PLCL1: variants seen among roughly 807,000 people sequenced by gnomAD.
PLCL1 encodes inactive phospholipase C-like protein 1.
Under a neutral mutation model 84.4 loss-of-function variants are expected in PLCL1, and 41 were observed. The observed-to-expected ratio is 0.49, with a 90% CI of 0.38 to 0.63. PLCL1 has a LOEUF of 0.63. PLCL1 is among the 30% of genes least tolerant of loss of function. The pLI, the probability that PLCL1 is intolerant of heterozygous loss-of-function variation, is 0.00. For synonymous variants in PLCL1, 490 were observed against 488.3 expected, an observed-to-expected ratio of 1.00 and a Z score of -0.05; for missense variants, 1,206 against 1,367.8, an observed-to-expected ratio of 0.88 and a Z score of 1.87.
rs1460494038 is a variant in PLCL1, at chr2:197,923,111, G to A, written c.240+117772G>A. 2.8e-5 allele frequency among the ~76,000 whole-genome samples: 4 copies of A among 142,886 alleles called. No individual in the cohort carries two copies. In the East Asian group the frequency reaches 6.7e-4, roughly 24 times the overall value. 93.7% of individuals were successfully genotyped at this position (142,886 alleles called of 152,430 possible). A position where few individuals can be genotyped will look rare whatever the true frequency, so the allele number is the denominator to read the frequency against. On this transcript the variant is annotated intron_variant, in intron 1 of 5. Transcript: ENST00000428675. Reference sequence around the variant, plus strand: ...CCCCCACCTCCCTACCGGACGGGGCGGCTGGCCAGGCTGAGGGGCTCCTCA... The same window carrying A: ...CCCCCACCTCCCTACCGGACGGGGCAGCTGGCCAGGCTGAGGGGCTCCTCA...
rs1166713261 is a variant in PLCL1 at position 198,084,875 on chromosome 2, A to T, written c.1358A>T (p.Glu453Val). The T allele has an allele frequency of 6.2e-7, 1 of 1,614,062 alleles. No individual in the cohort carries two copies. Among genetic ancestry groups the T allele is most frequent in the Non-Finnish European group, 8.5e-7 (1 of 1,179,978 alleles). Residue 453 changes from glutamate to valine, a missense_variant, in exon 2 of 6, where the codon GAA becomes GTA. Physicochemically the swap from Glu to Val is moderately radical, Grantham distance 121. Transcript: ENST00000428675. ...GATGTAAGTGATGGTTCAGATAATGAACCAATCCTTTGTAATCGAAATAAC... is the reference window on the plus strand; with the variant it reads ...GATGTAAGTGATGGTTCAGATAATGTACCAATCCTTTGTAATCGAAATAAC... ...ELDVSDGSDNEPILCNRNNMT... is the reference protein window; with the variant it reads ...ELDVSDGSDNVPILCNRNNMT...
chr2:198,055,993 T>C (rs183451951), intron 1 of PLCL1, among the ~76,000 whole-genome samples: 1 of 152,282 alleles, frequency 6.6e-6, no homozygotes, highest in East Asian at 1.9e-4. Context: ...AGAAAAATAA[T>C]TGGCTTTGGA....
chr2:197,924,187 C>T (rs1419389300), intron 1 of PLCL1, among the ~76,000 whole-genome samples: 2 of 128,734 alleles, frequency 1.6e-5, no homozygotes, highest in South Asian at 2.4e-4. Context: ...GAGGGAGAGG[C>T]CCCCTTACAT....
Position 197,805,292 on chromosome 2 carries a change from C to T in PLCL1, c.193C>T (p.Leu65Phe), listed in dbSNP as rs1244671655. The T allele has an allele frequency of 3.9e-6, 5 of 1,294,036 alleles. No individual in the cohort carries two copies. In the East Asian group the frequency reaches 1.6e-4, roughly 40 times the overall value. 80.2% of individuals were successfully genotyped at this position (1,294,036 alleles called of 1,614,324 possible). Reference protein sequence around the residue: ...AGTPADSEAGLLEAARATPRR... With the variant: ...AGTPADSEAGFLEAARATPRR... ...GACCCCAGCGGACAGCGAGGCGGGC[C>T]TCCTGGAGGCAGCACGGGCGACCCC... is the stretch of plus-strand genomic sequence containing the variant. The change falls in exon 1 of 6, where the codon CTC (leucine) becomes TTC (phenylalanine). Residue 65 changes from leucine (L) to phenylalanine (F), a missense_variant. Physicochemically the swap from Leu to Phe is conservative, Grantham distance 22 (BLOSUM62 0). Transcript: ENST00000428675. The surrounding 1 kb of genome is among the most constrained non-coding windows in gnomAD (Gnocchi z 4.0).
Position 198,144,806 on chromosome 2 carries a change from T to A in PLCL1, c.3106-1974T>A, listed in dbSNP as rs189330120. ...ATGCTTTTCTTTTTATCTGCGTTGC[T>A]TCCATGGGTAACAATGAATAGGAGT... On this transcript the variant is annotated intron_variant, in intron 5 of 5. Transcript: ENST00000428675. 3.9e-5 allele frequency among the ~76,000 whole-genome samples: 6 copies of A among 152,292 alleles called. No homozygotes were observed. In the East Asian group the frequency reaches 1.2e-3, roughly 29 times the overall value.
intron 1 of PLCL1, among the ~76,000 whole-genome samples, chr2:198,003,765 C>T (rs181119439): frequency 5.3e-5 from 8 of 152,212 alleles, no homozygotes; most frequent in Admixed American, 2.0e-4. Flanking sequence ...ACTGTACATT[C>T]TCTATACAGA....
intron 1 of PLCL1, among the ~76,000 whole-genome samples, chr2:197,833,312 T>C (rs865839134): frequency 1.3e-5 from 2 of 152,068 alleles, no homozygotes; most frequent in African/African-American, 4.8e-5. Flanking sequence ...CTATTCAACA[T>C]AGGAAGTTCT....
chr2:197,878,430 C>T (rs1428579134), intron 1 of PLCL1, among the ~76,000 whole-genome samples: 1 of 152,092 alleles, frequency 6.6e-6, no homozygotes, highest in African/African-American at 2.4e-5. Context: ...AATTTGCTTC[C>T]CCAAGAACAA....
At chr2:198,032,649 T>C (rs545175967) in intron 1 of PLCL1, among the ~76,000 whole-genome samples, 5 of 152,276 alleles carry the variant, frequency 3.3e-5, no homozygotes, top group Non-Finnish European at 7.4e-5. Context: ...TAGAATCTTA[T>C]ATCACAGGCT....
intron 1 of PLCL1, among the ~76,000 whole-genome samples, chr2:198,002,615 G>C (rs1348551118): frequency 9.2e-5 from 14 of 152,154 alleles, no homozygotes; most frequent in Non-Finnish European, 2.9e-5. Flanking sequence ...CAGTAACTTA[G>C]CTTGTGGGGA....
chr2:197,873,634 A>T (rs1173781660), intron 1 of PLCL1, among the ~76,000 whole-genome samples: 1 of 152,134 alleles, frequency 6.6e-6, no homozygotes, highest in African/African-American at 2.4e-5. Flanking sequence ...ATGCATCCAT[A>T]CGGTCTACAA....
Position 197,831,871 on chromosome 2 carries a change from C to T in PLCL1, c.240+26532C>T, listed in dbSNP as rs114869063. Among the ~76,000 whole-genome samples, 1,038 of 151,110 alleles carry T rather than the reference C, an allele frequency of 6.9e-3. 15 individuals carry two copies. Among genetic ancestry groups the T allele is most frequent in the African/African-American group, 0.023 (972 of 41,392 alleles). On this transcript the variant is annotated intron_variant, in intron 1 of 5. Transcript: ENST00000428675. ...AACTCATGATTAAGAAACTCAGAAC[C>T]GCACTACATGGAAACTGAACAACCT... is the stretch of plus-strand genomic sequence containing the variant.
chr2:197,933,821 T>C (rs899013756), intron 1 of PLCL1, among the ~76,000 whole-genome samples: 1 of 152,164 alleles, frequency 6.6e-6, no homozygotes, highest in Non-Finnish European at 1.5e-5. Flanking sequence ...ATAATAATTG[T>C]CTATATATAT....
At position 197,866,175 on chromosome 2, in the gene PLCL1, A is replaced by T. The variant is rs1209764727; in HGVS notation, c.240+60836A>T. On this transcript the variant is annotated intron_variant, in intron 1 of 5. Coordinates refer to ENST00000428675, the MANE Select transcript of PLCL1 (RefSeq NM_006226.4). Reference sequence around the variant, plus strand: ...ATATATAAACTATATATATATATAAACTATATATATATATAAACTATATAT... The same window carrying T: ...ATATATAAACTATATATATATATAATCTATATATATATATAAACTATATAT... 2.0e-5 allele frequency among the ~76,000 whole-genome samples: 2 copies of T among 97,768 alleles called. 1 individual carries two copies. The highest frequency in any genetic ancestry group is 3.9e-5 in the Non-Finnish European group (2 of 51,732). The allele number at this position is 97,768 out of a possible 152,430, so 64.1% of individuals were successfully genotyped here.
chr2:197,945,669 A>G (rs1226903520), intron 1 of PLCL1, among the ~76,000 whole-genome samples: 1 of 152,208 alleles, frequency 6.6e-6, no homozygotes, highest in African/African-American at 2.4e-5. Context: ...CAGTAGTCTC[A>G]TCTTTAAAAT....
intron 1 of PLCL1, among the ~76,000 whole-genome samples, chr2:197,893,430 A>C (rs1253522843): frequency 6.6e-6 from 1 of 152,202 alleles, no homozygotes; most frequent in Non-Finnish European, 1.5e-5. Context: ...ATATACAGGG[A>C]GCATAATACA....
intron 1 of PLCL1, among the ~76,000 whole-genome samples, chr2:197,963,008 G>A (rs1239481197): frequency 6.6e-6 from 1 of 151,968 alleles, no homozygotes; most frequent in Admixed American, 6.6e-5. Context: ...CCAAATATAG[G>A]CTATTGTGAA....
chr2:197,876,436 C>T (rs1227142062), intron 1 of PLCL1, among the ~76,000 whole-genome samples: 1 of 151,888 alleles, frequency 6.6e-6, no homozygotes, highest in Non-Finnish European at 1.5e-5. Flanking sequence ...TACATTTTTC[C>T]CCTCATAATA....
intron 1 of PLCL1, among the ~76,000 whole-genome samples, chr2:197,964,290 G>A (rs1689684189): frequency 6.6e-6 from 1 of 151,994 alleles, no homozygotes; most frequent in Admixed American, 6.6e-5. Flanking sequence ...ATGTTGTATA[G>A]TTTTCATTGT....
Sources: allele counts gnomAD v4.1 joint callset (sites outside exome capture counted in the v4.1 genomes callset), GRCh38; gene constraint gnomAD v4.1.1; non-coding constraint Gnocchi (gnomAD v3.1); transcripts MANE v1.5; gene names NCBI Gene and HGNC (gene_info 2026-07-23, HGNC 2026-07-21).